Variants in DPYSL2 observed in about 807,000 individuals in gnomAD.
The protein encoded by DPYSL2 is dihydropyrimidinase like 2.
DPYSL2 carries 13 observed loss-of-function variants against 69.9 expected under a neutral mutation model. The ratio of observed to expected loss-of-function variants is 0.19; its 90% CI spans 0.12 to 0.30. DPYSL2 has a LOEUF of 0.30. DPYSL2 is among the 10% of genes least tolerant of loss of function. DPYSL2 has a pLI of 1.00. For synonymous variants in DPYSL2, 326 were observed against 359.1 expected (o/e 0.91, Z 1.04); for missense variants, 587 against 918.9 (o/e 0.64, Z 4.67).
intron 1 of DPYSL2, among the ~76,000 whole-genome samples, chr8:26,540,161 A>G (rs1414580539): frequency 6.6e-6 from 1 of 152,220 alleles, no homozygotes; most frequent in Non-Finnish European, 1.5e-5. Flanking sequence ...GAAGTTCAAC[A>G]AAGAGATAAA....
rs558843852 is a variant in DPYSL2, at chr8:26,565,292, T to C, written c.355-16677T>C. ...ATCATGACTTCTTTTTGTCCCAATC[T>C]TTAATGCAGTATGAGTGTTCTGTGG... On this transcript the variant is annotated intron_variant, in intron 1 of 13. Transcript: ENST00000521913. This position sits in a 1 kb window ranked among gnomAD's most constrained non-coding sequence, Gnocchi z 4.1. Among the ~76,000 whole-genome samples the C allele has an allele frequency of 2.5e-3, 382 of 152,312 alleles. 1 individual carries two copies. Among genetic ancestry groups the C allele is most frequent in the Non-Finnish European group, 4.2e-3 (289 of 68,032 alleles).
At chr8:26,573,526 G>T (rs906112969) in intron 1 of DPYSL2, among the ~76,000 whole-genome samples, 1 of 151,998 alleles carries the variant, frequency 6.6e-6, no homozygotes, top group Non-Finnish European at 1.5e-5. Context: ...AAAATTAGCT[G>T]GGCGTGGTGG....
intron 4 of DPYSL2, among the ~76,000 whole-genome samples, chr8:26,625,579 G>T (rs1802595168): frequency 6.6e-6 from 1 of 152,204 alleles, no homozygotes. Flanking sequence ...GTTTGGTCTG[G>T]TGCCTAGGGA....
intron 3 of DPYSL2, among the ~76,000 whole-genome samples, chr8:26,596,756 C>G: frequency 6.6e-6 from 1 of 152,342 alleles, no homozygotes; most frequent in East Asian, 1.9e-4. Context: ...CCTGCAAGTG[C>G]GAGGGCTGGG....
chr8:26,577,789 T>C (rs1275165059), intron 1 of DPYSL2: 6 of 992,494 alleles, frequency 6.0e-6, no homozygotes, highest in Non-Finnish European at 7.2e-6. Flanking sequence ...TTTCGCGCTC[T>C]CGCGCCGCGC....
At chr8:26,604,104 G>A (rs1802054859) in intron 3 of DPYSL2, among the ~76,000 whole-genome samples, 2 of 152,186 alleles carry the variant, frequency 1.3e-5, no homozygotes, top group African/African-American at 4.8e-5. Context: ...AAGGTACAAA[G>A]TACTGAGCAT....
chr8:26,584,144 T>C (rs1801546469), intron 3 of DPYSL2, among the ~76,000 whole-genome samples, 161 bp downstream of exon 3: 1 of 152,194 alleles, frequency 6.6e-6, no homozygotes, highest in Non-Finnish European at 1.5e-5. Context: ...TCTTATTTAT[T>C]TATGCTCATT....
intron 1 of DPYSL2, among the ~76,000 whole-genome samples, chr8:26,521,695 T>C (rs1253611842): frequency 6.6e-6 from 1 of 152,090 alleles, no homozygotes; most frequent in Non-Finnish European, 1.5e-5. Context: ...CCCCTAGCAA[T>C]CACTAATCTG....
At chr8:26,612,775 T>TA (rs1802261235) in intron 3 of DPYSL2, among the ~76,000 whole-genome samples, 1 of 152,248 alleles carries the variant, frequency 6.6e-6, no homozygotes, top group Admixed American at 6.5e-5. Context: ...AGGTGACTGC[T>TA]ATGCATAGAA....
intron 1 of DPYSL2, among the ~76,000 whole-genome samples, chr8:26,570,637 G>A (rs1801221387): frequency 6.6e-6 from 1 of 151,794 alleles, no homozygotes; most frequent in Non-Finnish European, 1.5e-5. Flanking sequence ...GAGAGGCTGA[G>A]GCATGAGAAT....
At chr8:26,600,533 C>T (rs1585537042) in intron 3 of DPYSL2, among the ~76,000 whole-genome samples, 2 of 152,244 alleles carry the variant, frequency 1.3e-5, no homozygotes, top group Middle Eastern at 3.4e-3. Context: ...TAATTTTAGG[C>T]TTTATTTTGA....
intron 1 of DPYSL2, among the ~76,000 whole-genome samples, chr8:26,575,932 ACAAGTAGAGAGAGGC>A (rs1468434238): frequency 6.6e-6 from 1 of 152,024 alleles, no homozygotes; most frequent in African/African-American, 2.4e-5. Context: ...TTGGTTTTTC[ACAAGTAGAGAGAGGC>A]CAAGTAGAAA....
intron 3 of DPYSL2, among the ~76,000 whole-genome samples, chr8:26,599,957 C>G (rs1801954230): frequency 6.6e-6 from 1 of 152,138 alleles, no homozygotes; most frequent in African/African-American, 2.4e-5. Flanking sequence ...ATGGCAACCA[C>G]TACATTTCTA....
chr8:26,615,140 T>C (rs1390958324), intron 3 of DPYSL2, among the ~76,000 whole-genome samples: 1 of 151,994 alleles, frequency 6.6e-6, no homozygotes, highest in Non-Finnish European at 1.5e-5. Context: ...TGTGAGCGGA[T>C]TACTTAATCT....
rs1801729636 is a variant in DPYSL2 at position 26,591,676 on chromosome 8, A to T, written c.628+7693A>T. On this transcript the variant is annotated intron_variant, in intron 3 of 13. Coordinates refer to ENST00000521913, the MANE Select transcript of DPYSL2 (RefSeq NM_001197293.3). The surrounding 1 kb of genome is among the most constrained non-coding windows in gnomAD (Gnocchi z 5.8). ...CCCCTCCACCTGAGATATGAGACTGATGAATGCAGAACTGCTCTGGTTGGA... is the reference window on the plus strand; with the variant it reads ...CCCCTCCACCTGAGATATGAGACTGTTGAATGCAGAACTGCTCTGGTTGGA... Among the ~76,000 whole-genome samples, 1 of 152,274 alleles carries T rather than the reference A, an allele frequency of 6.6e-6. No homozygotes were observed. The highest frequency in any genetic ancestry group is 2.1e-4 in the South Asian group (1 of 4,824).
intron 4 of DPYSL2, among the ~76,000 whole-genome samples, chr8:26,625,761 T>C (rs1802598617): frequency 6.6e-6 from 1 of 152,246 alleles, no homozygotes; most frequent in Admixed American, 6.5e-5. Context: ...CTAATTCATT[T>C]TCTTGTTACA....
chr8:26,610,627 T>C lies in DPYSL2; in HGVS notation c.629-13516T>C, dbSNP rs1802203451. ...CCAGTCCCTTCCCACGCCCTGTTCC[T>C]CATTGGAATCCTCTGTCCTAGCCTA... On this transcript the variant is annotated intron_variant, in intron 3 of 13. Coordinates refer to ENST00000521913, the MANE Select transcript of DPYSL2 (RefSeq NM_001197293.3). This position sits in a 1 kb window ranked among gnomAD's most constrained non-coding sequence, Gnocchi z 4.5. 6.6e-6 allele frequency among the ~76,000 whole-genome samples: 1 copy of C among 152,030 alleles called. No homozygotes were observed. The highest frequency in any genetic ancestry group is 1.9e-4 in the East Asian group (1 of 5,172).
intron 1 of DPYSL2, chr8:26,547,681 G>C (rs915559204): frequency 8.1e-5 from 14 of 173,844 alleles, no homozygotes; most frequent in Admixed American, 5.6e-4. Context: ...CTAGCCAGGA[G>C]ACCAGAGATG....
In DPYSL2 at chr8:26,571,072, A is replaced by G. The variant is rs1801228108; in HGVS notation, c.355-10897A>G. ...GGATAATATTTACCACTCTTTCATA[A>G]TGTTCCCCCTGGACAAAGAGCAGAC... On this transcript the variant is annotated intron_variant, in intron 1 of 13. Transcript: ENST00000521913. The surrounding 1 kb of genome is among the most constrained non-coding windows in gnomAD (Gnocchi z 6.1). Among the ~76,000 whole-genome samples, 2 of 152,174 alleles carry G rather than the reference A, an allele frequency of 1.3e-5. No individual in the cohort carries two copies. The highest frequency in any genetic ancestry group is 4.1e-4 in the South Asian group (2 of 4,828).
Sources: allele counts gnomAD v4.1 joint callset (sites outside exome capture counted in the v4.1 genomes callset), GRCh38; gene constraint gnomAD v4.1.1; non-coding constraint Gnocchi (gnomAD v3.1); transcripts MANE v1.5; gene names NCBI Gene and HGNC (gene_info 2026-07-23, HGNC 2026-07-21).